The following DNAH8 variants were observed in gnomAD, a reference collection of about 807,000 sequenced individuals.
DNAH8 encodes the protein axonemal beta dynein heavy chain 8.
A neutral mutation model predicts 562.1 loss-of-function variants in DNAH8; 382 were observed. That is an observed-to-expected ratio of 0.68 (90% CI 0.63 to 0.74). The LOEUF (loss-of-function observed/expected upper bound fraction) is 0.74, where lower values mean the gene tolerates loss of function less well. Ranked by LOEUF, DNAH8 falls within the 30% of genes least tolerant of loss-of-function variation. The pLI is 0.00. For synonymous variants in DNAH8, 1,881 were observed against 1,919.4 expected, an observed-to-expected ratio of 0.98 and a Z score of 0.52; for missense variants, 5,203 against 5,620.4, an observed-to-expected ratio of 0.93 and a Z score of 2.37.
chr6:38,850,585 G>C (rs929809538), intron 38 of DNAH8, among the ~76,000 whole-genome samples, 171 bp downstream of exon 38: 1 of 152,144 alleles, frequency 6.6e-6, no homozygotes, highest in African/African-American at 2.4e-5. Context: ...CTTTGACTTG[G>C]GGGTGGTTAA....
chr6:38,741,574 T>A (rs544751096), intron 7 of DNAH8, 137 bp from the exon 8 acceptor site: 1 of 667,310 alleles, frequency 1.5e-6, no homozygotes, highest in South Asian at 2.7e-5. Context: ...CCTCTAGTCT[T>A]CATTTACTGA....
chr6:38,905,067 C>A (rs1477869018), intron 62 of DNAH8, among the ~76,000 whole-genome samples: 8 of 152,166 alleles, frequency 5.3e-5, no homozygotes, highest in Non-Finnish European at 1.2e-4. Flanking sequence ...GCCAAATTGA[C>A]CTCTTTGGCT....
chr6:38,826,375 C>T lies in DNAH8; in HGVS notation c.4067C>T (p.Thr1356Ile). ...IRDNEIQMDM[T>I]LGPIEEAYAI... ...GATAATGAAATTCAAATGGACATGA[C>T]TTTGGGACCAATTGAAGTAAGAAAT... Residue 1356 changes from threonine (T) to isoleucine (I), a missense_variant, in exon 29 of 93, where the codon ACT (threonine) becomes ATT (isoleucine). This residue lies in a region of DNAH8 where 2,176 missense variants were observed against 2,365.1 expected (regional missense o/e 0.92). Transcript: ENST00000327475. The T allele has an allele frequency of 6.3e-7, 1 of 1,591,508 alleles. No individual in the cohort carries two copies. The highest frequency in any genetic ancestry group is 8.5e-7 in the Non-Finnish European group (1 of 1,172,440).
At position 38,863,929 on chromosome 6, in the gene DNAH8, C is replaced by T. The variant is rs1776838684; in HGVS notation, c.6367C>T (p.Pro2123Ser). ...TGATGAGTTTAACAGAATTGAATTGCCTGTATTATCAGTGGCAGCACAACA... is the reference window on the plus strand; with the variant it reads ...TGATGAGTTTAACAGAATTGAATTGTCTGTATTATCAGTGGCAGCACAACA... ...CFDEFNRIEL[P>S]VLSVAAQQIY... The change falls in exon 45 of 93, where the codon CCT (proline) becomes TCT (serine). Residue 2123 changes from proline (P) to serine (S), a missense_variant. Transcript: ENST00000327475. 2 of 1,611,954 alleles carry T rather than the reference C, an allele frequency of 1.2e-6. No homozygotes were observed. Among genetic ancestry groups the T allele is most frequent in the Admixed American group, 1.7e-5 (1 of 59,618 alleles).
At chr6:38,858,746 A>G (rs1776388895) in intron 42 of DNAH8, among the ~76,000 whole-genome samples, 1 of 152,192 alleles carries the variant, frequency 6.6e-6, no homozygotes, top group African/African-American at 2.4e-5. Flanking sequence ...GCACACTTAT[A>G]TTGTTTTGGC....
chr6:38,831,849 G>A (rs1773860584), intron 30 of DNAH8, among the ~76,000 whole-genome samples: 1 of 152,180 alleles, frequency 6.6e-6, no homozygotes, highest in African/African-American at 2.4e-5. Flanking sequence ...TTAAGTGCTG[G>A]CAATTATTAT....
chr6:38,923,221 T>G lies in DNAH8; in HGVS notation c.10790+36T>G, dbSNP rs547321852. The G allele has an allele frequency of 3.1e-6, 5 of 1,609,230 alleles. No individual in the cohort carries two copies. In the South Asian group the frequency reaches 5.5e-5, roughly 18 times the overall value. ...GGGTCTTCTTCATAATCACTCTTTC[T>G]TTGTGACATTAGAGAACATAAAGTC... On this transcript the variant is annotated intron_variant, in intron 72 of 92. Coordinates refer to ENST00000327475, the MANE Select transcript of DNAH8 (RefSeq NM_001206927.2).
At chr6:38,994,069 G>T (rs1009150690) in intron 88 of DNAH8, among the ~76,000 whole-genome samples, 1 of 150,918 alleles carries the variant, frequency 6.6e-6, no homozygotes, top group Non-Finnish European at 1.5e-5. Context: ...TCAACAGAGC[G>T]CTGGTGAGGC....
intron 31 of DNAH8, among the ~76,000 whole-genome samples, chr6:38,833,371 T>C (rs930506148): frequency 1.1e-4 from 17 of 148,798 alleles, no homozygotes; most frequent in African/African-American, 4.2e-4. Flanking sequence ...TTATATAATG[T>C]TTTTTTTTTA....
chr6:39,007,458 C>T (rs533896312), intron 88 of DNAH8, among the ~76,000 whole-genome samples: 4 of 152,260 alleles, frequency 2.6e-5, no homozygotes, highest in Admixed American at 6.5e-5. Context: ...ACAAAATTAG[C>T]AAACAAAACA....
intron 42 of DNAH8, among the ~76,000 whole-genome samples, chr6:38,859,798 A>G (rs1319043519): frequency 6.6e-6 from 1 of 152,172 alleles, no homozygotes; most frequent in African/African-American, 2.4e-5. Flanking sequence ...GCTTGGCTAT[A>G]GTGCTGGTGC....
At chr6:38,720,037 G>A (rs1391771753) in intron 1 of DNAH8, among the ~76,000 whole-genome samples, 1 of 152,090 alleles carries the variant, frequency 6.6e-6, no homozygotes, top group Non-Finnish European at 1.5e-5. Flanking sequence ...TAAGCAGATG[G>A]TAAGAGAATT....
intron 88 of DNAH8, among the ~76,000 whole-genome samples, chr6:38,997,021 G>A (rs9349107): frequency 0.4 from 60,733 of 151,828 alleles, 12,524 homozygotes; most frequent in Non-Finnish European, 0.45. Context: ...TAAGACCTTC[G>A]TCCTCCTCTG....
At chr6:38,812,389 G>A (rs962415637) in intron 24 of DNAH8, among the ~76,000 whole-genome samples, 3 of 152,108 alleles carry the variant, frequency 2.0e-5, no homozygotes, top group Non-Finnish European at 4.4e-5. Context: ...CAAGTTCTGC[G>A]GCAATTTAGC....
chr6:38,948,808 A>G (rs746673897), intron 80 of DNAH8, among the ~76,000 whole-genome samples: 19 of 152,148 alleles, frequency 1.2e-4, no homozygotes, highest in Non-Finnish European at 2.1e-4. Context: ...CATGCTTCTG[A>G]ACAATATTTA....
intron 17 of DNAH8, 42 bp downstream of exon 17, chr6:38,783,181 G>C (rs1198075702): frequency 6.3e-7 from 1 of 1,599,092 alleles, no homozygotes; most frequent in Non-Finnish European, 8.5e-7. Context: ...TAGGGATTAG[G>C]TGATTTTGAA....
intron 28 of DNAH8, among the ~76,000 whole-genome samples, chr6:38,824,332 G>T (rs916806078): frequency 2.6e-5 from 4 of 152,270 alleles, no homozygotes; most frequent in African/African-American, 9.6e-5. Flanking sequence ...GCTTACTCAG[G>T]TGAGACTGTT....
At chr6:38,717,465 A>C (rs1200490611) in intron 1 of DNAH8, among the ~76,000 whole-genome samples, 1 of 152,016 alleles carries the variant, frequency 6.6e-6, no homozygotes, top group Non-Finnish European at 1.5e-5. Context: ...CTGGGACTAC[A>C]GGTGCACGCC....
chr6:38,986,532 G>A (rs976188480), intron 87 of DNAH8, among the ~76,000 whole-genome samples: 10 of 152,020 alleles, frequency 6.6e-5, no homozygotes, highest in Admixed American at 1.3e-4. Flanking sequence ...TAATAAACTC[G>A]GGAGTGTGAG....
Sources: gnomAD v4.1 joint callset for allele counts (sites outside exome capture counted in the v4.1 genomes callset) on GRCh38, gnomAD v4.1.1 for gene constraint, gnomAD v4.1.1 regional missense constraint, MANE v1.5 for transcripts, NCBI Gene and HGNC (gene_info 2026-07-23, HGNC 2026-07-21) for gene names.